The following COL7A1 variants were observed in gnomAD, a reference collection of about 807,000 sequenced individuals.
COL7A1 encodes the protein collagen type VII alpha 1 chain.
COL7A1 carries 296 observed loss-of-function variants against 456.2 expected under a neutral mutation model. That is an observed-to-expected ratio of 0.65 (90% confidence interval 0.59 to 0.71). The LOEUF (loss-of-function observed/expected upper bound fraction) is 0.71. Ranked by LOEUF, COL7A1 falls within the 30% of genes least tolerant of loss-of-function variation. The pLI is 0.00. For missense variants in COL7A1, 3,441 were observed against 4,017.2 expected (o/e 0.86, Z 3.88); for synonymous variants, 1,464 against 1,525.9 (o/e 0.96, Z 0.95).
At position 48,590,623 on chromosome 3, in the gene COL7A1, A is replaced by AC. The variant is rs2045626577; in HGVS notation, c.1781-40dup. On this transcript the variant is annotated intron_variant, in intron 14 of 118. Coordinates refer to ENST00000681320, the MANE Select transcript of COL7A1 (RefSeq NM_000094.4). The surrounding 1 kb of genome is among the most constrained non-coding windows in gnomAD (Gnocchi z 4.6). Reference sequence around the variant, plus strand: ...ACAGAAGTCAGAAGTCAGAACCAGGACCAGAGTGAGGCAGGCAGCTGTCCT... The same window carrying AC: ...ACAGAAGTCAGAAGTCAGAACCAGGACCCAGAGTGAGGCAGGCAGCTGTCCT... 1.2e-6 allele frequency: 2 copies of AC among 1,614,004 alleles called. No individual in the cohort carries two copies. The highest frequency in any genetic ancestry group is 2.7e-5 in the African/African-American group (2 of 75,024).
Position 48,568,565 on chromosome 3 carries a change from A to G in COL7A1, c.7759-31T>C. 1 of 1,602,856 alleles carries G rather than the reference A, an allele frequency of 6.2e-7. No homozygotes were observed. The highest frequency in any genetic ancestry group is 8.5e-7 in the Non-Finnish European group (1 of 1,172,876). ...AGAAACACAGATGGGGGAGCCCTTC[A>G]GTGGGACTGTCCCCAACACTGGCCC... On this transcript the variant is annotated intron_variant, in intron 104 of 118. Coordinates refer to ENST00000681320, the MANE Select transcript of COL7A1 (RefSeq NM_000094.4). This position sits in a 1 kb window ranked among gnomAD's most constrained non-coding sequence, Gnocchi z 5.2.
chr3:48,574,224 TC>T lies in COL7A1; in HGVS notation c.6501+37del. On this transcript the variant is annotated intron_variant, in intron 80 of 118. Coordinates refer to ENST00000681320, the MANE Select transcript of COL7A1 (RefSeq NM_000094.4). This position sits in a 1 kb window ranked among gnomAD's most constrained non-coding sequence, Gnocchi z 5.0. Reference sequence around the variant, plus strand: ...AGCAGCAGCAGCACCTAGCGGAGGGTCCGGAGCCTGGGGCCAGGTGCTTCAG... The same window carrying T: ...AGCAGCAGCAGCACCTAGCGGAGGGTCGGAGCCTGGGGCCAGGTGCTTCAG... The T allele has an allele frequency of 1.9e-6, 3 of 1,612,442 alleles. No homozygotes were observed. The East Asian group carries it at 6.7e-5, about 36-fold the overall frequency.
At position 48,569,708 on chromosome 3, in the gene COL7A1, C is replaced by G; in HGVS notation, c.7557+17G>C. 4.3e-6 allele frequency: 7 copies of G among 1,614,170 alleles called. No homozygotes were observed. The highest frequency in any genetic ancestry group is 5.9e-6 in the Non-Finnish European group (7 of 1,180,022). Reference sequence around the variant, plus strand: ...GCACCCTGGCCCCTGCCCTGCCCTCCCCATGCCCACACTCACCTTGTCACC... The same window carrying G: ...GCACCCTGGCCCCTGCCCTGCCCTCGCCATGCCCACACTCACCTTGTCACC... On this transcript the variant is annotated intron_variant, in intron 101 of 118. Coordinates refer to ENST00000681320, the MANE Select transcript of COL7A1 (RefSeq NM_000094.4). The surrounding 1 kb of genome is among the most constrained non-coding windows in gnomAD (Gnocchi z 4.9).
At position 48,574,233 on chromosome 3, in the gene COL7A1, TG is replaced by T; in HGVS notation, c.6501+28del. Reference sequence around the variant, plus strand: ...AGCACCTAGCGGAGGGTCCGGAGCCTGGGGCCAGGTGCTTCAGCCACCACTC... The same window carrying T: ...AGCACCTAGCGGAGGGTCCGGAGCCTGGGCCAGGTGCTTCAGCCACCACTC... On this transcript the variant is annotated intron_variant, in intron 80 of 118. Transcript: ENST00000681320. This position sits in a 1 kb window ranked among gnomAD's most constrained non-coding sequence, Gnocchi z 5.0. 1 of 1,613,626 alleles carries T rather than the reference TG, an allele frequency of 6.2e-7. No individual in the cohort carries two copies. The highest frequency in any genetic ancestry group is 8.5e-7 in the Non-Finnish European group (1 of 1,179,870).
At position 48,593,526 on chromosome 3, in the gene COL7A1, G is replaced by A; in HGVS notation, c.426+11C>T. ...GGTCATCTTGGGAGGCATGGTAGGG[G>A]TAGGGATCACCTTGGGGACACCAGG... On this transcript the variant is annotated intron_variant, in intron 4 of 118. Transcript: ENST00000681320. The surrounding 1 kb of genome is among the most constrained non-coding windows in gnomAD (Gnocchi z 4.4). 6.2e-7 allele frequency: 1 copy of A among 1,614,140 alleles called. No individual in the cohort carries two copies. Among genetic ancestry groups the A allele is most frequent in the Non-Finnish European group, 8.5e-7 (1 of 1,180,024 alleles).
rs866335759 is a variant in COL7A1 at position 48,588,512 on chromosome 3, C to T, written c.2588-108G>A. ...CCGCCCAGCCTCTCAGACCCCTCTC[C>T]CTCCTCTCAGACCCTGCCCCCAAAG... On this transcript the variant is annotated intron_variant, in intron 20 of 118. Transcript: ENST00000681320. This position sits in a 1 kb window ranked among gnomAD's most constrained non-coding sequence, Gnocchi z 4.6. 1.3e-6 allele frequency: 2 copies of T among 1,599,352 alleles called. No homozygotes were observed. The highest frequency in any genetic ancestry group is 1.7e-6 in the Non-Finnish European group (2 of 1,174,438).
At chr3:48,576,597 T>C in intron 68 of COL7A1, 40 bp from the exon 69 acceptor site, 6 of 1,598,076 alleles carry the variant, frequency 3.8e-6, no homozygotes. Flanking sequence ...CAAAGGCCCA[T>C]GGCTTCCCAG....
At position 48,581,289 on chromosome 3, in the gene COL7A1, G is replaced by A. The variant is rs764853740; in HGVS notation, c.4870C>T (p.Pro1624Ser). The A allele has an allele frequency of 6.2e-7, 1 of 1,613,512 alleles. No individual in the cohort carries two copies. Among genetic ancestry groups the A allele is most frequent in the South Asian group, 1.1e-5 (1 of 91,076 alleles). Residue 1624 changes from proline (P) to serine (S), a missense_variant, in exon 52 of 119, where the codon CCA (proline) becomes TCA (serine). Coordinates refer to ENST00000681320, the MANE Select transcript of COL7A1 (RefSeq NM_000094.4). The surrounding 1 kb of genome is among the most constrained non-coding windows in gnomAD (Gnocchi z 5.8). ...CGTCCTCGGGGGCCAACAGGTCCTG[G>A]GGGGCCAGGCCGCCCAGGGTCTCCC... ...EKGDPGRPGP[P>S]GPVGPRGRDG...
At chr3:48,576,118 C>CCCCAATG (rs1340701920) in intron 71 of COL7A1, 131 bp downstream of exon 71, 2 of 1,466,470 alleles carry the variant, frequency 1.4e-6, no homozygotes, top group Non-Finnish European at 1.9e-6. Flanking sequence ...GCTACAAGAA[C>CCCCAATG]CCCAATGGGG....
chr3:48,581,676 A>G lies in COL7A1; in HGVS notation c.4722+30T>C, dbSNP rs756005565. On this transcript the variant is annotated intron_variant, in intron 49 of 118. Transcript: ENST00000681320. This position sits in a 1 kb window ranked among gnomAD's most constrained non-coding sequence, Gnocchi z 5.8. ...GAAGTCAGGAAGACAACCTTCACCA[A>G]CTGCCCCCTAAACACTTCGCTTCAC... 8.7e-6 allele frequency: 14 copies of G among 1,613,884 alleles called. No homozygotes were observed. The Admixed American group carries it at 2.2e-4, about 25-fold the overall frequency.
Position 48,571,645 on chromosome 3 carries a change from G to A in COL7A1, c.7068+356C>T, listed in dbSNP as rs76008782. 1,533 of 653,238 alleles carry A rather than the reference G, an allele frequency of 2.3e-3. 55 individuals are homozygous for A. The East Asian group carries it at 0.045, about 19-fold the overall frequency. 40.5% of individuals were successfully genotyped at this position (653,238 alleles called of 1,614,324 possible). A position where few individuals can be genotyped will look rare whatever the true frequency, so the allele number is the denominator to read the frequency against. On this transcript the variant is annotated intron_variant, in intron 92 of 118. Transcript: ENST00000681320. This position sits in a 1 kb window ranked among gnomAD's most constrained non-coding sequence, Gnocchi z 4.6. ...GAGCAGGCATGGCCACAGGCTGAACGCTGGCAGCCAGGGGCAGGGGAAAGG... is the reference window on the plus strand; with the variant it reads ...GAGCAGGCATGGCCACAGGCTGAACACTGGCAGCCAGGGGCAGGGGAAAGG...
At chr3:48,584,860 G>C (rs980362244) in intron 34 of COL7A1, 50 bp downstream of exon 34, 2 of 1,613,914 alleles carry the variant, frequency 1.2e-6, no homozygotes, top group Non-Finnish European at 1.7e-6. Flanking sequence ...CCACCCTGTG[G>C]AAGAACCCTG....
chr3:48,594,997 G>T lies in COL7A1; in HGVS notation c.85+78C>A. On this transcript the variant is annotated intron_variant, in intron 2 of 118. Coordinates refer to ENST00000681320, the MANE Select transcript of COL7A1 (RefSeq NM_000094.4). This position sits in a 1 kb window ranked among gnomAD's most constrained non-coding sequence, Gnocchi z 5.5. ...GTTGGCTGGGTTGTGGGCGGGGGGT[G>T]TTGGGGATGAAGGCCGAGTGGAGCG... 2.5e-6 allele frequency: 3 copies of T among 1,217,328 alleles called. No individual in the cohort carries two copies. The highest frequency in any genetic ancestry group is 3.5e-6 in the Non-Finnish European group (3 of 857,772). 75.4% of individuals were successfully genotyped at this position (1,217,328 alleles called of 1,614,324 possible). A position where few individuals can be genotyped will look rare whatever the true frequency, so the allele number is the denominator to read the frequency against.
rs748272722 is a variant in COL7A1 at position 48,586,239 on chromosome 3, A to T, written c.3558T>A (p.Asn1186Lys). ...PIREAQASGL[N>K]VVMLGMAGAD... ...CTCCAGCCATTCCCAACATCACCAC[A>T]TTAAGCCCTAAGGTGGGGTCCAGTG... is the stretch of plus-strand genomic sequence containing the variant. Residue 1186 changes from asparagine (N) to lysine (K), a missense_variant, in exon 28 of 119, where the codon AAT (asparagine) becomes AAA (lysine). By Grantham distance (94) the Asn-to-Lys change is moderately conservative. This residue lies in a region of COL7A1 where 2,084 missense variants were observed against 2,501.3 expected (regional missense o/e 0.83). Transcript: ENST00000681320. The surrounding 1 kb of genome is among the most constrained non-coding windows in gnomAD (Gnocchi z 5.1). The T allele has an allele frequency of 6.2e-7, 1 of 1,613,654 alleles. No individual in the cohort carries two copies. The highest frequency in any genetic ancestry group is 2.2e-5 in the East Asian group (1 of 44,884).
rs1216269778 is a variant in COL7A1 at position 48,591,732 on chromosome 3, G to A, written c.1448C>T (p.Thr483Ile). ...GTGGCCCTCCAGCAGAGTGTAGAGT[G>A]TGAGGCGGTACTCAGTGCCCGGCTG... ...GLQPGTEYRLTLYTLLEGHEV... is the reference protein window; with the variant it reads ...GLQPGTEYRLILYTLLEGHEV... The change falls in exon 12 of 119, where the codon ACA becomes ATA. Residue 483 changes from threonine to isoleucine, a missense_variant. Physicochemically the swap from Thr to Ile is moderately conservative, Grantham distance 89 (BLOSUM62 -1). Transcript: ENST00000681320. This position sits in a 1 kb window ranked among gnomAD's most constrained non-coding sequence, Gnocchi z 7.0. 6.2e-7 allele frequency: 1 copy of A among 1,614,138 alleles called. No individual in the cohort carries two copies. Among genetic ancestry groups the A allele is most frequent in the African/African-American group, 1.3e-5 (1 of 75,030 alleles).
Position 48,588,337 on chromosome 3 carries a change from C to T in COL7A1, c.2655G>A (p.Leu885=). The T allele has an allele frequency of 1.9e-6, 3 of 1,612,832 alleles. No homozygotes were observed. The highest frequency in any genetic ancestry group is 2.5e-6 in the Non-Finnish European group (3 of 1,179,988). The change falls in exon 21 of 119, where the codon CTG becomes CTA. Residue 885 remains leucine (L), a synonymous_variant. Transcript: ENST00000681320. The surrounding 1 kb of genome is among the most constrained non-coding windows in gnomAD (Gnocchi z 4.6). ...VVQRGEHSLR[L]RWEPVPRAQG... is the part of the protein sequence containing the mutation. The stretch of plus-strand genomic sequence containing the variant: ...GCGCTCTGGGCACCGGCTCCCAGCG[C>T]AGCCTCAGCGAGTGCTCCCCGCGCT...
Position 48,583,965 on chromosome 3 carries a change from C to T in COL7A1, c.4225-12G>A. The stretch of plus-strand genomic sequence containing the variant: ...GGTCCAGGGGGACCCTGGGAGAGAA[C>T]AGCAGGTCAGGGAATGAACAGGGGA... On this transcript the variant is annotated splice_polypyrimidine_tract_variant and intron_variant, in intron 38 of 118. Coordinates refer to ENST00000681320, the MANE Select transcript of COL7A1 (RefSeq NM_000094.4). The surrounding 1 kb of genome is among the most constrained non-coding windows in gnomAD (Gnocchi z 5.1). 1 of 1,613,774 alleles carries T rather than the reference C, an allele frequency of 6.2e-7. No individual in the cohort carries two copies. The highest frequency in any genetic ancestry group is 8.5e-7 in the Non-Finnish European group (1 of 1,179,958).
Position 48,577,001 on chromosome 3 carries a change from G to A in COL7A1, c.5559C>T (p.Asp1853=), listed in dbSNP as rs776433840. 1.9e-5 allele frequency: 31 copies of A among 1,613,800 alleles called. No individual in the cohort carries two copies. Among genetic ancestry groups the A allele is most frequent in the East Asian group, 6.7e-5 (3 of 44,900 alleles). Residue 1853 remains aspartate, a synonymous_variant, in exon 66 of 119, where the codon GAC becomes GAT. Transcript: ENST00000681320. ...KNGEPGDPGE[D]GRKGEKGDSG... ...AGGTGGGGGACTTTACCTTCCTCCCGTCTTCTCCAGGGTCCCCAGGTTCTC... is the reference window on the plus strand; with the variant it reads ...AGGTGGGGGACTTTACCTTCCTCCCATCTTCTCCAGGGTCCCCAGGTTCTC...
rs1456342037 is a variant in COL7A1, at chr3:48,571,856, G to C, written c.7068+145C>G. On this transcript the variant is annotated intron_variant, in intron 92 of 118. Transcript: ENST00000681320. The surrounding 1 kb of genome is among the most constrained non-coding windows in gnomAD (Gnocchi z 4.6). ...GGAAGCCGACAGTGTGTGGCTCCCT[G>C]TGATCCAGAGAGCAGGCTCCTGGAT... 9.9e-7 allele frequency: 1 copy of C among 1,008,384 alleles called. No individual in the cohort carries two copies. The highest frequency in any genetic ancestry group is 1.6e-5 in the African/African-American group (1 of 62,272). 62.5% of individuals were successfully genotyped at this position (1,008,384 alleles called of 1,614,324 possible). A position where few individuals can be genotyped will look rare whatever the true frequency, so the allele number is the denominator to read the frequency against.
Sources: gnomAD v4.1 joint callset for allele counts on GRCh38, gnomAD v4.1.1 for gene constraint, gnomAD v4.1.1 regional missense constraint, Gnocchi (gnomAD v3.1) non-coding constraint, MANE v1.5 for transcripts, NCBI Gene and HGNC (gene_info 2026-07-23, HGNC 2026-07-21) for gene names.